PRIMA1: variants seen among roughly 807,000 people sequenced by gnomAD.
The protein encoded by PRIMA1 is proline rich membrane anchor 1.
PRIMA1 carries 7 observed loss-of-function variants against 17.5 expected under a neutral mutation model. The ratio of observed to expected loss-of-function variants is 0.40; its 90% CI spans 0.23 to 0.75. PRIMA1 has a LOEUF of 0.75. Among genes scored for constraint, PRIMA1 ranks in the 30% least tolerant of loss-of-function variants. PRIMA1 has a pLI of 0.37. For missense variants in PRIMA1, 200 were observed against 201.8 expected, an observed-to-expected ratio of 0.99 and a Z score of 0.05; for synonymous variants, 97 against 77.9, an observed-to-expected ratio of 1.25 and a Z score of -1.29.
chr14:93,730,108 C>T (rs1271788645), intron 4 of PRIMA1, among the ~76,000 whole-genome samples: 2 of 152,212 alleles, frequency 1.3e-5, no homozygotes, highest in Non-Finnish European at 2.9e-5. Context: ...TCTGTGGGAA[C>T]AAGCCTCCAT....
intron 3 of PRIMA1, among the ~76,000 whole-genome samples, chr14:93,755,132 G>A (rs950921967): frequency 8.5e-5 from 13 of 152,138 alleles, no homozygotes; most frequent in East Asian, 3.8e-4. Context: ...AAAAAAACCC[G>A]AGGCCTAAGA....
intron 2 of PRIMA1, among the ~76,000 whole-genome samples, chr14:93,786,868 T>C (rs899274782): frequency 9.2e-5 from 14 of 152,194 alleles, no homozygotes; most frequent in African/African-American, 3.4e-4. Flanking sequence ...CTTACAATAG[T>C]ACAGTCAGGA....
intron 3 of PRIMA1, among the ~76,000 whole-genome samples, chr14:93,772,242 C>T (rs1885091382): frequency 6.6e-6 from 1 of 152,262 alleles, no homozygotes; most frequent in Admixed American, 6.5e-5. Flanking sequence ...CTATTCCTGG[C>T]TCCACCACTG....
intron 4 of PRIMA1, among the ~76,000 whole-genome samples, chr14:93,721,762 GA>G (rs1029043901): frequency 2.0e-5 from 3 of 152,320 alleles, no homozygotes; most frequent in African/African-American, 7.2e-5. Flanking sequence ...CGGGTGTCAT[GA>G]AAACCGGGGC....
At position 93,726,340 on chromosome 14, in the gene PRIMA1, G is replaced by C. The variant is rs2141151549; in HGVS notation, c.360-4794C>G. On this transcript the variant is annotated intron_variant, in intron 4 of 4. Transcript: ENST00000393140. This position sits in a 1 kb window ranked among gnomAD's most constrained non-coding sequence, Gnocchi z 4.2. ...CTGCTCTGTGGGGATGGAGGAGATG[G>C]AGGCAAAGAACAACTCTGGGAGCCT... Among the ~76,000 whole-genome samples, 1 of 152,296 alleles carries C rather than the reference G, an allele frequency of 6.6e-6. No individual in the cohort carries two copies. The highest frequency in any genetic ancestry group is 2.1e-4 in the South Asian group (1 of 4,824).
chr14:93,757,265 G>A (rs8018518), intron 3 of PRIMA1, among the ~76,000 whole-genome samples: 11,728 of 152,132 alleles, frequency 0.077, 667 homozygotes, highest in African/African-American at 0.15. Context: ...CTTACTTAAT[G>A]GCTGCCCCTC....
Position 93,779,228 on chromosome 14 carries a change from CGGGGGA to C in PRIMA1, c.171_176del (p.Pro58_Pro59del). The C allele has an allele frequency of 1.1e-5, 3 of 275,544 alleles. No homozygotes were observed. Among genetic ancestry groups the C allele is most frequent in the African/African-American group, 1.2e-4 (1 of 8,606 alleles). The allele number at this position is 275,544 out of a possible 1,614,324, so 17.1% of individuals were successfully genotyped here. A position where few individuals can be genotyped will look rare whatever the true frequency, so the allele number is the denominator to read the frequency against. On this transcript the variant is annotated inframe_deletion, in exon 3 of 5. Coordinates refer to ENST00000393140, the MANE Select transcript of PRIMA1 (RefSeq NM_178013.4). ...GCGGGGGTGGGGGCGGCGGGGGCAG[CGGGGGA>C]GGGGGCCGGCACTGGCAGACGTGTC...
intron 3 of PRIMA1, among the ~76,000 whole-genome samples, chr14:93,758,594 C>CAAAAAAAAAA (rs34329291): frequency 1.2e-5 from 1 of 81,346 alleles, no homozygotes; most frequent in Non-Finnish European, 2.3e-5. Context: ...GCAAGACTCT[C>CAAAAAAAAAA]AAAAAAAAAA....
chr14:93,770,974 G>C (rs1885042149), intron 3 of PRIMA1, among the ~76,000 whole-genome samples: 1 of 152,226 alleles, frequency 6.6e-6, no homozygotes, highest in African/African-American at 2.4e-5. Flanking sequence ...AAAGGATCAA[G>C]CATTGGTCAA....
intron 3 of PRIMA1, among the ~76,000 whole-genome samples, chr14:93,776,849 G>A (rs550493736): frequency 6.6e-5 from 10 of 152,246 alleles, no homozygotes; most frequent in African/African-American, 1.9e-4. Flanking sequence ...TCTCTCTACC[G>A]CTTACTTCTC....
rs12147938 is a variant in PRIMA1 at position 93,782,457 on chromosome 14, A to G, written c.94-3146T>C. 6.5e-3 allele frequency among the ~76,000 whole-genome samples: 803 copies of G among 122,788 alleles called. 6 individuals are homozygous for G. Among genetic ancestry groups the G allele is most frequent in the South Asian group, 0.024 (86 of 3,546 alleles). 80.6% of individuals were successfully genotyped at this position (122,788 alleles called of 152,430 possible). On this transcript the variant is annotated intron_variant, in intron 2 of 4. Coordinates refer to ENST00000393140, the MANE Select transcript of PRIMA1 (RefSeq NM_178013.4). ...AATAGAGTGAGACCTCATCTCTACA[A>G]ATTTTTTTTTTTAATTAGCTGGGCA...
intron 3 of PRIMA1, among the ~76,000 whole-genome samples, chr14:93,738,467 C>T (rs192285643): frequency 2.0e-5 from 3 of 152,172 alleles, no homozygotes; most frequent in East Asian, 3.9e-4. Context: ...AAGGGATGGA[C>T]GGATGGATGG....
chr14:93,742,376 C>T (rs1158100919), intron 3 of PRIMA1, among the ~76,000 whole-genome samples: 2 of 152,168 alleles, frequency 1.3e-5, no homozygotes, highest in Non-Finnish European at 2.9e-5. Context: ...TGAGGTCTCT[C>T]CCCAGGGGAA....
intron 2 of PRIMA1, among the ~76,000 whole-genome samples, chr14:93,782,367 C>T (rs1312791435): frequency 2.0e-5 from 3 of 152,148 alleles, no homozygotes; most frequent in Admixed American, 1.3e-4. Flanking sequence ...GCCGGTAATC[C>T]CAACACTTTG....
At chr14:93,763,932 C>A (rs1224919314) in intron 3 of PRIMA1, among the ~76,000 whole-genome samples, 1 of 152,164 alleles carries the variant, frequency 6.6e-6, no homozygotes, top group Non-Finnish European at 1.5e-5. Flanking sequence ...TCTGCTGTCT[C>A]ATGGCACCTC....
chr14:93,760,907 G>A lies in PRIMA1; in HGVS notation c.229+18269C>T, dbSNP rs143712964. Among the ~76,000 whole-genome samples, 8 of 149,220 alleles carry A rather than the reference G, an allele frequency of 5.4e-5. No individual in the cohort carries two copies. In the East Asian group the frequency reaches 1.4e-3, roughly 26 times the overall value. On this transcript the variant is annotated intron_variant, in intron 3 of 4. Transcript: ENST00000393140. Reference sequence around the variant, plus strand: ...ACCTTGACAACATCTATAGCTTCTTGACTGGTCTGTTGCCAGCCCTCTTAC... The same window carrying A: ...ACCTTGACAACATCTATAGCTTCTTAACTGGTCTGTTGCCAGCCCTCTTAC...
At chr14:93,734,921 C>A (rs2076140157) in intron 4 of PRIMA1, among the ~76,000 whole-genome samples, 1 of 152,198 alleles carries the variant, frequency 6.6e-6, no homozygotes, top group African/African-American at 2.4e-5. Context: ...ACGCCCCTCA[C>A]ACCCTTCCTG....
In PRIMA1 at chr14:93,721,132, C is replaced by G. The variant is rs145017673; in HGVS notation, c.*312G>C. ...ACAGATCCCTCTGGCTTCGCCAGTGCGCATGCTTTAGACAGCAGCTGGGGG... is the reference window on the plus strand; with the variant it reads ...ACAGATCCCTCTGGCTTCGCCAGTGGGCATGCTTTAGACAGCAGCTGGGGG... On this transcript the variant is annotated 3_prime_UTR_variant, in exon 5 of 5. Transcript: ENST00000393140. 6.2e-6 allele frequency: 2 copies of G among 322,690 alleles called. No individual in the cohort carries two copies. The highest frequency in any genetic ancestry group is 5.6e-5 in the East Asian group (1 of 17,744). The allele number at this position is 322,690 out of a possible 1,614,324, so 20.0% of individuals were successfully genotyped here.
chr14:93,754,529 G>A (rs1231105978), intron 3 of PRIMA1, among the ~76,000 whole-genome samples: 2 of 152,170 alleles, frequency 1.3e-5, no homozygotes, highest in South Asian at 2.1e-4. Flanking sequence ...AAACTCAACC[G>A]AAGAGACTGT....
Sources: allele counts gnomAD v4.1 joint callset (sites outside exome capture counted in the v4.1 genomes callset), GRCh38; gene constraint gnomAD v4.1.1; non-coding constraint Gnocchi (gnomAD v3.1); transcripts MANE v1.5; gene names NCBI Gene and HGNC (gene_info 2026-07-23, HGNC 2026-07-21).